The following LAMP5 variants were observed in gnomAD, a reference collection of about 807,000 sequenced individuals.
LAMP5 encodes the protein lysosome associated membrane protein 5.
Under a neutral mutation model 30.2 loss-of-function variants are expected in LAMP5, and 36 were observed. That is an observed-to-expected ratio of 1.19 (90% CI 0.91 to 1.57). The LOEUF is 1.57. Among genes scored for constraint, LAMP5 ranks in the 40% most tolerant of loss-of-function variants. LAMP5 has a pLI of 0.00. For synonymous variants in LAMP5, 149 were observed against 134.6 expected, an observed-to-expected ratio of 1.11 and a Z score of -0.74; for missense variants, 377 against 354.9, an observed-to-expected ratio of 1.06 and a Z score of -0.50.
At chr20:9,517,919 A>T in intron 4 of LAMP5, 121 bp from the exon 5 acceptor site, 1 of 782,728 alleles carries the variant, frequency 1.3e-6, no homozygotes, top group Non-Finnish European at 2.0e-6. Flanking sequence ...TAGCCCTGGC[A>T]AGGGAACAGA....
chr20:9,526,702 G>C (rs372210367), intron 5 of LAMP5, among the ~76,000 whole-genome samples: 1 of 151,854 alleles, frequency 6.6e-6, no homozygotes, highest in African/African-American at 2.4e-5. Context: ...CAAACTTTTG[G>C]TTGTAATAAG....
chr20:9,518,059 C>A lies in LAMP5; in HGVS notation c.495C>A (p.Asn165Lys). The A allele has an allele frequency of 6.2e-7, 1 of 1,613,856 alleles. No individual in the cohort carries two copies. The highest frequency in any genetic ancestry group is 8.5e-7 in the Non-Finnish European group (1 of 1,179,990). Residue 165 changes from asparagine (N) to lysine (K), a missense_variant, in exon 5 of 6, where the codon AAC (asparagine) becomes AAA (lysine). Asn to Lys is a moderately conservative substitution (Grantham distance 94). Transcript: ENST00000246070. ...CTGTAGCTGGGAAGCACACAGCCAA[C>A]TCGCACCACCTCTCTGCCTTGGTCA... is the stretch of plus-strand genomic sequence containing the variant. The part of the protein sequence containing the change: ...DAVSAGKHTA[N>K]SHHLSALVTP...
rs186995110 is a variant in LAMP5 at position 9,521,389 on chromosome 20, C to A, written c.664+3161C>A. On this transcript the variant is annotated intron_variant, in intron 5 of 5. Transcript: ENST00000246070. ...AAGGAGTATGCAAAGCAGGCAGGCT[C>A]CATACAGCTGCAAATTTTCTTGTTT... Among the ~76,000 whole-genome samples the A allele has an allele frequency of 8.5e-5, 13 of 152,248 alleles. No homozygotes were observed. The East Asian group carries it at 2.5e-3, about 29-fold the overall frequency.
Position 9,518,127 on chromosome 20 carries a change from T to A in LAMP5, c.563T>A (p.Ile188Asn). The A allele has an allele frequency of 1.9e-6, 3 of 1,614,154 alleles. No homozygotes were observed. Among genetic ancestry groups the A allele is most frequent in the African/African-American group, 1.3e-5 (1 of 75,064 alleles). Residue 188 changes from isoleucine to asparagine, a missense_variant, in exon 5 of 6, where the codon ATT (isoleucine) becomes AAT (asparagine). Coordinates refer to ENST00000246070, the MANE Select transcript of LAMP5 (RefSeq NM_012261.4). ...TATGAGTGTCAAGCTCAACAAACCA[T>A]TTCACTGGCCTCTAGTGATCCGCAG... Reference protein sequence around the residue: ...KSYECQAQQTISLASSDPQKT... With the variant: ...KSYECQAQQTNSLASSDPQKT...
intron 5 of LAMP5, among the ~76,000 whole-genome samples, chr20:9,519,215 GA>G (rs751731428): frequency 5.3e-5 from 8 of 152,012 alleles, no homozygotes; most frequent in South Asian, 2.1e-4. Context: ...ATTCTACATG[GA>G]AAAAAAATCA....
intron 5 of LAMP5, among the ~76,000 whole-genome samples, chr20:9,529,176 G>C (rs1042394641): frequency 1.3e-5 from 2 of 152,154 alleles, no homozygotes; most frequent in African/African-American, 2.4e-5. Context: ...TTGCAGAGTG[G>C]TCATAACATT....
Position 9,516,066 on chromosome 20 carries a change from A to G in LAMP5, c.304A>G (p.Ser102Gly). ...TGAGGTGAAGGGCCGCTGTGGCCAC[A>G]GCCAGTCGGAGCTGCAAGTGTTCTG... is the stretch of plus-strand genomic sequence containing the variant. Reference protein sequence around the residue: ...GAEVKGRCGHSQSELQVFWVD... With the variant: ...GAEVKGRCGHGQSELQVFWVD... The change falls in exon 3 of 6, where the codon AGC becomes GGC. Residue 102 changes from serine (S) to glycine (G), a missense_variant. Physicochemically the swap from Ser to Gly is moderately conservative, Grantham distance 56. Transcript: ENST00000246070. The G allele has an allele frequency of 6.5e-7, 1 of 1,545,826 alleles. No individual in the cohort carries two copies. Among genetic ancestry groups the G allele is most frequent in the Non-Finnish European group, 8.7e-7 (1 of 1,152,764 alleles).
intron 5 of LAMP5, 37 bp from the exon 6 acceptor site, chr20:9,529,605 G>C: frequency 6.3e-7 from 1 of 1,593,656 alleles, no homozygotes. Flanking sequence ...AGGATGTTTT[G>C]ACCAGAGCTC....
chr20:9,526,550 C>A (rs1053638713), intron 5 of LAMP5, among the ~76,000 whole-genome samples: 1 of 152,090 alleles, frequency 6.6e-6, no homozygotes, highest in Non-Finnish European at 1.5e-5. Context: ...TCTAGGCCTG[C>A]CACTCTTTCT....
At chr20:9,518,008 G>T in intron 4 of LAMP5, 32 bp from the exon 5 acceptor site, 1 of 1,596,656 alleles carries the variant, frequency 6.3e-7, no homozygotes, top group Non-Finnish European at 8.5e-7. Context: ...AACAATGAGG[G>T]TTCTAACTAT....
intron 4 of LAMP5, among the ~76,000 whole-genome samples, chr20:9,517,319 G>T (rs1333498746): frequency 6.6e-6 from 1 of 152,208 alleles, no homozygotes; most frequent in East Asian, 1.9e-4. Flanking sequence ...AGCATCCAGA[G>T]GACCAGCAAT....
intron 5 of LAMP5, among the ~76,000 whole-genome samples, chr20:9,526,686 C>A (rs1343001288): frequency 6.6e-6 from 1 of 151,828 alleles, no homozygotes; most frequent in Admixed American, 6.6e-5. Flanking sequence ...CCTGAAAATT[C>A]TTTTTCAAAC....
intron 5 of LAMP5, among the ~76,000 whole-genome samples, chr20:9,524,331 C>G (rs1164948020): frequency 6.6e-6 from 1 of 152,024 alleles, no homozygotes; most frequent in Non-Finnish European, 1.5e-5. Context: ...CTTAGTAGGT[C>G]ATGAGCAGCA....
intron 5 of LAMP5, among the ~76,000 whole-genome samples, chr20:9,520,499 T>A (rs942292392): frequency 2.2e-4 from 34 of 152,134 alleles, no homozygotes; most frequent in African/African-American, 7.7e-4. Context: ...TGTGTGCATG[T>A]GAGTGGAGTA....
At chr20:9,522,445 A>G (rs529095734) in intron 5 of LAMP5, among the ~76,000 whole-genome samples, 1 of 152,350 alleles carries the variant, frequency 6.6e-6, no homozygotes, top group African/African-American at 2.4e-5. Flanking sequence ...GTCAAGAAAC[A>G]TGCCACCCTA....
intron 5 of LAMP5, among the ~76,000 whole-genome samples, chr20:9,522,599 C>T (rs905661794): frequency 1.2e-4 from 19 of 152,204 alleles, no homozygotes; most frequent in South Asian, 2.1e-4. Context: ...TTCTGTGCTT[C>T]GGATACTGTC....
intron 5 of LAMP5, among the ~76,000 whole-genome samples, chr20:9,525,187 C>A (rs566172283): frequency 6.6e-6 from 1 of 152,108 alleles, no homozygotes; most frequent in Admixed American, 6.5e-5. Context: ...CTCTAATTTT[C>A]TTAAAGAATG....
intron 5 of LAMP5, among the ~76,000 whole-genome samples, chr20:9,523,281 A>C (rs1392514799): frequency 2.0e-5 from 3 of 152,036 alleles, no homozygotes; most frequent in Non-Finnish European, 4.4e-5. Context: ...ACAACAGGAG[A>C]AGCACAGCCA....
chr20:9,518,318 C>T (rs1167096649), intron 5 of LAMP5, 90 bp downstream of exon 5: 2 of 1,122,630 alleles, frequency 1.8e-6, no homozygotes, highest in Non-Finnish European at 2.6e-6. Flanking sequence ...GATGTTACCA[C>T]TTGGATTTCC....
Sources: gnomAD v4.1 joint callset for allele counts (sites outside exome capture counted in the v4.1 genomes callset) on GRCh38, gnomAD v4.1.1 for gene constraint, MANE v1.5 for transcripts, NCBI Gene and HGNC (gene_info 2026-07-23, HGNC 2026-07-21) for gene names.